NAPSA: variants seen among roughly 807,000 people sequenced by gnomAD.
NAPSA encodes napsin A aspartic peptidase.
In NAPSA, 37 loss-of-function variants were observed where a neutral mutation model predicts 36.7. The observed-to-expected ratio is 1.01, with a 90% confidence interval of 0.78 to 1.33. The LOEUF is 1.33. NAPSA is among the 40% of genes most tolerant of loss of function. The pLI is 0.00. For missense variants in NAPSA, 532 were observed against 543.8 expected (o/e 0.98, Z 0.21); for synonymous variants, 222 against 234.5 (o/e 0.95, Z 0.49).
At chr19:50,366,189 G>GTTT (rs35291240), upstream of NAPSA, among the ~76,000 whole-genome samples, 1 of 143,132 alleles carries the variant, frequency 7.0e-6, no homozygotes. Flanking sequence ...TTGTTTTTTG[G>GTTT]TTTTTTTTTT....
At chr19:50,365,120 G>A (rs2037530228) in intron 1 of NAPSA, among the ~76,000 whole-genome samples, 1 of 151,786 alleles carries the variant, frequency 6.6e-6, no homozygotes. Flanking sequence ...CGGATCACGA[G>A]GTCAGGGGTT....
In NAPSA at chr19:50,360,933, C is replaced by T. The variant is rs754436683; in HGVS notation, c.668+8G>A. On this transcript the variant is annotated splice_region_variant and intron_variant, in intron 5 of 8. Transcript: ENST00000253719. ...AGGACTCATAGATAGGTGCACACTT[C>T]CCAGTACCTGTTGAGGTAAAAGGAG... is the stretch of plus-strand genomic sequence containing the variant. 1.9e-6 allele frequency: 3 copies of T among 1,613,168 alleles called. No homozygotes were observed. In the East Asian group the frequency reaches 6.7e-5, roughly 36 times the overall value.
chr19:50,359,095 G>A lies in NAPSA; in HGVS notation c.951C>T (p.Cys317=). Residue 317 remains cysteine (C), a synonymous_variant, in exon 8 of 9, where the codon TGC becomes TGT. Coordinates refer to ENST00000253719, the MANE Select transcript of NAPSA (RefSeq NM_004851.3). ...PLLAGEYIIL[C]SEIPKLPAVS... is the part of the protein sequence containing the mutation. Reference sequence around the variant, plus strand: ...CTGCGGGGAGCTTTGGGATTTCCGAGCACAGGATGATGTACTGGGGGAGAA... The same window carrying A: ...CTGCGGGGAGCTTTGGGATTTCCGAACACAGGATGATGTACTGGGGGAGAA... 1 of 1,613,656 alleles carries A rather than the reference G, an allele frequency of 6.2e-7. No homozygotes were observed. The highest frequency in any genetic ancestry group is 8.5e-7 in the Non-Finnish European group (1 of 1,179,662).
upstream of NAPSA, among the ~76,000 whole-genome samples, chr19:50,367,699 CG>C (rs2037567185): frequency 6.6e-6 from 1 of 152,122 alleles, no homozygotes; most frequent in African/African-American, 2.4e-5. Flanking sequence ...CCTGTAACCA[CG>C]ACCTACCTGC....
chr19:50,361,649 C>G lies in NAPSA; in HGVS notation c.468+14G>C. On this transcript the variant is annotated intron_variant, in intron 4 of 8. Transcript: ENST00000253719. ...TCCCAGGCTCAAGACTTCTGAGAGT[C>G]AAAGGCCACTCACAGTCAGCTTGTC... The G allele has an allele frequency of 6.2e-7, 1 of 1,602,924 alleles. No homozygotes were observed. Among genetic ancestry groups the G allele is most frequent in the Non-Finnish European group, 8.5e-7 (1 of 1,170,366 alleles).
chr19:50,359,479 G>A (rs933332435), intron 7 of NAPSA, 24 bp downstream of exon 7: 16 of 1,613,488 alleles, frequency 9.9e-6, no homozygotes, highest in African/African-American at 6.7e-5. Context: ...TTCCCAGCCC[G>A]TACCCACCAG....
upstream of NAPSA, among the ~76,000 whole-genome samples, chr19:50,366,834 AT>A (rs35429532): frequency 0.66 from 91,098 of 138,082 alleles, 30,576 homozygotes; most frequent in East Asian, 0.87. Context: ...CCCTGGCTAA[AT>A]TTTTTTTTTT....
At chr19:50,365,503 C>T (rs374089615) in intron 1 of NAPSA, 36 bp downstream of exon 1, 106 of 1,599,044 alleles carry the variant, frequency 6.6e-5, no homozygotes, top group Non-Finnish European at 8.7e-5. Flanking sequence ...CAGAAAATCC[C>T]TCCTAAGGTT....
chr19:50,359,809 G>A lies in NAPSA; in HGVS notation c.722C>T (p.Ala241Val), dbSNP rs374700636. 51 of 1,614,128 alleles carry A rather than the reference G, an allele frequency of 3.2e-5. No individual in the cohort carries two copies. The highest frequency in any genetic ancestry group is 4.1e-5 in the Non-Finnish European group (48 of 1,180,052). The change falls in exon 6 of 9, where the codon GCA (alanine) becomes GTA (valine). Residue 241 changes from alanine (A) to valine (V), a missense_variant. By Grantham distance (64) the Ala-to-Val change is moderately conservative. Around this residue, in one of 3 missense-constraint regions of NAPSA, gnomAD observed 385 missense variants for 371.5 expected, o/e 1.04. Transcript: ENST00000253719. ...GAAGGTGAGGGGTGGGATGTAGTGT[G>A]CCGGGTCCGAGCCCCCCAGGACCAG... The part of the protein sequence containing the change: ...GELVLGGSDP[A>V]HYIPPLTFVP...
At position 50,358,604 on chromosome 19, in the gene NAPSA, G is replaced by A. The variant is rs1473873408; in HGVS notation, c.1212C>T (p.Arg404=). 1.2e-6 allele frequency: 2 copies of A among 1,611,926 alleles called. No individual in the cohort carries two copies. The highest frequency in any genetic ancestry group is 1.7e-5 in the Admixed American group (1 of 59,880). The part of the protein sequence containing the change: ...ARVGLARART[R]GADLGWGETA... ...TCTCTCCCCATCCGAGGTCCGCTCC[G>A]CGAGTGCGAGCGCGCGCCAGGCCCA... The change falls in exon 9 of 9, where the codon CGC becomes CGT. Residue 404 remains arginine, a synonymous_variant. Transcript: ENST00000253719.
chr19:50,363,480 A>G (rs112311561), intron 1 of NAPSA, among the ~76,000 whole-genome samples: 3,061 of 152,212 alleles, frequency 0.02, 102 homozygotes, highest in African/African-American at 0.068. Flanking sequence ...TCCAGGGCTC[A>G]AGTGATTCTC....
chr19:50,361,431 C>A, intron 4 of NAPSA: 1 of 591,606 alleles, frequency 1.7e-6, no homozygotes, highest in Non-Finnish European at 3.0e-6. Context: ...ACCTCTTAAC[C>A]TTGGAAGCTC....
In NAPSA at chr19:50,358,608, G is replaced by GT. The variant is rs1568584557; in HGVS notation, c.1207dup (p.Thr403AsnfsTer23). 3 of 1,612,134 alleles carry GT rather than the reference G, an allele frequency of 1.9e-6. No homozygotes were observed. The highest frequency in any genetic ancestry group is 2.5e-6 in the Non-Finnish European group (3 of 1,179,632). ...TCCCCATCCGAGGTCCGCTCCGCGA[G>GT]TGCGAGCGCGCGCCAGGCCCACCCG... On this transcript the variant is annotated frameshift_variant, in exon 9 of 9. Transcript: ENST00000253719. LOFTEE classifies it low-confidence loss of function (END_TRUNC).
At chr19:50,365,397 T>C (rs1267409283) in intron 1 of NAPSA, 142 bp downstream of exon 1, 3 of 739,662 alleles carry the variant, frequency 4.1e-6, no homozygotes, top group Non-Finnish European at 7.0e-6. Context: ...CAGCCTGGTT[T>C]AGAGATCTGG....
chr19:50,360,479 G>C (rs1277265937), intron 5 of NAPSA, among the ~76,000 whole-genome samples: 1 of 152,100 alleles, frequency 6.6e-6, no homozygotes, highest in Non-Finnish European at 1.5e-5. Context: ...ATGTTGGGTG[G>C]GACTTCTGAG....
At position 50,359,316 on chromosome 19, in the gene NAPSA, G is replaced by A. The variant is rs61614092; in HGVS notation, c.936+187C>T. 5.8e-3 allele frequency: 5,089 copies of A among 882,966 alleles called. 180 individuals carry two copies. The African/African-American group carries it at 0.072, about 12-fold the overall frequency. 54.7% of individuals were successfully genotyped at this position (882,966 alleles called of 1,614,324 possible). Reference sequence around the variant, plus strand: ...CCACCCGGCCACCATCCGCAGAGTCGCAGTGTAGACACGTGGAAAGTGTCC... The same window carrying A: ...CCACCCGGCCACCATCCGCAGAGTCACAGTGTAGACACGTGGAAAGTGTCC... On this transcript the variant is annotated intron_variant, in intron 7 of 8. Coordinates refer to ENST00000253719, the MANE Select transcript of NAPSA (RefSeq NM_004851.3).
intron 7 of NAPSA, 150 bp from the exon 8 acceptor site, chr19:50,359,259 A>C (rs1338357308): frequency 2.4e-6 from 2 of 834,796 alleles, no homozygotes; most frequent in Non-Finnish European, 3.7e-6. Flanking sequence ...AGACTTACGC[A>C]GTCCCAAGCA....
At chr19:50,366,298 C>T (rs2037548867), upstream of NAPSA, among the ~76,000 whole-genome samples, 1 of 152,010 alleles carries the variant, frequency 6.6e-6, no homozygotes, top group East Asian at 1.9e-4. Context: ...CAGGGTTTCT[C>T]CATGTTGGTC....
Position 50,365,529 on chromosome 19 carries a change from G to T in NAPSA, c.83+10C>A. 6.2e-7 allele frequency: 1 copy of T among 1,611,212 alleles called. No individual in the cohort carries two copies. The highest frequency in any genetic ancestry group is 8.5e-7 in the Non-Finnish European group (1 of 1,178,138). ...TCCTAAGGTTGGGGTGGTAGATGGGGTCACCATACCGGATCAGTGTGGCCC... is the reference window on the plus strand; with the variant it reads ...TCCTAAGGTTGGGGTGGTAGATGGGTTCACCATACCGGATCAGTGTGGCCC... On this transcript the variant is annotated intron_variant, in intron 1 of 8. Transcript: ENST00000253719.
Sources: allele counts gnomAD v4.1 joint callset (sites outside exome capture counted in the v4.1 genomes callset), GRCh38; gene constraint gnomAD v4.1.1; regional missense constraint gnomAD v4.1.1; transcripts MANE v1.5; gene names NCBI Gene and HGNC (gene_info 2026-07-23, HGNC 2026-07-21).